The following TEX11 variants were observed in gnomAD, a reference collection of about 807,000 sequenced individuals.
TEX11 encodes testis expressed 11.
Under a neutral mutation model 84.4 loss-of-function variants are expected in TEX11, and 7 were observed. The ratio of observed to expected loss-of-function variants is 0.08; its 90% confidence interval spans 0.05 to 0.16. TEX11 has a LOEUF of 0.16. Among genes scored for constraint, TEX11 ranks in the 10% least tolerant of loss-of-function variants. The probability of loss-of-function intolerance (pLI) is 1.00; values close to 1 mark genes in which losing one functional copy is unlikely to be tolerated. For missense variants in TEX11, 551 were observed against 660.5 expected (o/e 0.83, Z 1.82); for synonymous variants, 264 against 222.8 (o/e 1.18, Z -1.64).
chrX:70,578,257 A>C (rs1424913645), intron 25 of TEX11, among the ~76,000 whole-genome samples: 2 of 112,004 alleles, frequency 1.8e-5, no homozygotes, highest in Non-Finnish European at 3.8e-5. Context: ...GTGTATAGTC[A>C]GTAAGTTATA....
chrX:70,770,909 C>A (rs1400171564), intron 9 of TEX11, among the ~76,000 whole-genome samples: 1 of 110,704 alleles, frequency 9.0e-6, no homozygotes, highest in East Asian at 2.8e-4. Flanking sequence ...AGAAAAAAAA[C>A]TATTCCTGAC....
At chrX:70,897,362 C>T (rs1322685826) in intron 2 of TEX11, 1 of 103,924 alleles carries the variant, frequency 9.6e-6, no homozygotes, top group Non-Finnish European at 1.9e-5. Context: ...GAGGCCGAGG[C>T]AGGCAGATCA....
At chrX:70,784,750 C>T (rs2091066300) in intron 9 of TEX11, among the ~76,000 whole-genome samples, 3 of 111,298 alleles carry the variant, frequency 2.7e-5, no homozygotes, top group South Asian at 3.8e-4. Flanking sequence ...AATAAAATAC[C>T]TAGGAATCCA....
At chrX:70,801,775 G>T (rs1360782598) in intron 9 of TEX11, among the ~76,000 whole-genome samples, 4 of 108,370 alleles carry the variant, frequency 3.7e-5, no homozygotes, top group Non-Finnish European at 7.6e-5. Flanking sequence ...GCTGAGAGTA[G>T]ATATTAAATA....
the TEX11 span, among the ~76,000 whole-genome samples, chrX:70,515,389 C>T: frequency 1.8e-5 from 2 of 108,591 alleles, no homozygotes; most frequent in South Asian, 4.0e-4. Flanking sequence ...TCTGTCCTTG[C>T]GATAGTTTGC....
intron 8 of TEX11, among the ~76,000 whole-genome samples, chrX:70,813,170 C>G (rs1432309749): frequency 1.8e-5 from 2 of 111,845 alleles, no homozygotes; most frequent in African/African-American, 3.3e-5. Flanking sequence ...GACCAATAAC[C>G]CTGAGGAACA....
chrX:70,894,180 T>G (rs182850076), intron 2 of TEX11, among the ~76,000 whole-genome samples: 78 of 110,325 alleles, frequency 7.1e-4, no homozygotes, highest in African/African-American at 2.5e-3. Flanking sequence ...CCGAAACTAT[T>G]CCAAACAATA....
At chrX:70,782,781 C>T (rs1043419008) in intron 9 of TEX11, among the ~76,000 whole-genome samples, 37 of 109,858 alleles carry the variant, frequency 3.4e-4, no homozygotes, top group African/African-American at 7.6e-4. Context: ...GAAGAGCTAA[C>T]TATCTTAAAT....
chrX:70,866,347 G>A (rs1317923095), intron 4 of TEX11, among the ~76,000 whole-genome samples: 1 of 106,420 alleles, frequency 9.4e-6, no homozygotes, highest in East Asian at 2.9e-4. Context: ...AGAAGATGTC[G>A]AATCCCTGAA....
At chrX:70,669,933 T>C (rs1189293387) in intron 16 of TEX11, among the ~76,000 whole-genome samples, 1 of 112,452 alleles carries the variant, frequency 8.9e-6, no homozygotes, top group Non-Finnish European at 1.9e-5. Context: ...TTAAAGAACA[T>C]TTTCTAGGGT....
At chrX:70,748,122 T>C (rs867728705) in intron 9 of TEX11, among the ~76,000 whole-genome samples, 1 of 110,404 alleles carries the variant, frequency 9.1e-6, no homozygotes, top group Non-Finnish European at 1.9e-5. Context: ...AACATATACA[T>C]AATGGGAGTA....
At chrX:70,888,280 G>C (rs939839040) in intron 2 of TEX11, among the ~76,000 whole-genome samples, 2 of 112,618 alleles carry the variant, frequency 1.8e-5, no homozygotes, top group African/African-American at 6.4e-5. Flanking sequence ...CTTTCAGAGA[G>C]ATAATTCAAA....
At chrX:70,845,579 G>T (rs1371347392) in intron 7 of TEX11, among the ~76,000 whole-genome samples, 3 of 110,893 alleles carry the variant, frequency 2.7e-5, no homozygotes, top group African/African-American at 9.8e-5. Context: ...CGTAATCCCA[G>T]CACTTTGGGA....
chrX:70,792,103 C>T (rs1359027900), intron 9 of TEX11, among the ~76,000 whole-genome samples: 1 of 77,205 alleles, frequency 1.3e-5, no homozygotes, highest in Non-Finnish European at 2.4e-5. Flanking sequence ...CCAGCACGGG[C>T]AACAAGAGCA....
intron 10 of TEX11, among the ~76,000 whole-genome samples, chrX:70,742,557 C>T (rs1022379739): frequency 9.2e-6 from 1 of 108,451 alleles, no homozygotes; most frequent in African/African-American, 3.4e-5. Flanking sequence ...AGTGAGACCC[C>T]CGTCTCTATA....
intron 16 of TEX11, among the ~76,000 whole-genome samples, chrX:70,658,734 AT>A (rs1211011101): frequency 5.5e-5 from 6 of 109,516 alleles, no homozygotes; most frequent in African/African-American, 9.9e-5. Context: ...TTCCAAGGGC[AT>A]TTTTTTTTCA....
At chrX:70,861,308 G>C (rs899344783) in intron 4 of TEX11, among the ~76,000 whole-genome samples, 1 of 109,255 alleles carries the variant, frequency 9.2e-6, no homozygotes, top group Non-Finnish European at 1.9e-5. Flanking sequence ...TGATCCGCCC[G>C]CCTCGGCCTC....
intron 8 of TEX11, among the ~76,000 whole-genome samples, chrX:70,825,007 A>C (rs2091337359): frequency 8.9e-6 from 1 of 111,789 alleles, no homozygotes; most frequent in Admixed American, 9.6e-5. Flanking sequence ...CAGAAGCCAA[A>C]AATGTAATAT....
At chrX:70,837,615 A>G (rs2091413033) in intron 7 of TEX11, among the ~76,000 whole-genome samples, 1 of 107,421 alleles carries the variant, frequency 9.3e-6, no homozygotes, top group Non-Finnish European at 1.9e-5. Context: ...ATAAAAAGAC[A>G]AGGACGGATC....
Sources: gnomAD v4.1 joint callset for allele counts (sites outside exome capture counted in the v4.1 genomes callset) on GRCh38, gnomAD v4.1.1 for gene constraint, MANE v1.5 for transcripts, NCBI Gene and HGNC (gene_info 2026-07-23, HGNC 2026-07-21) for gene names.